GAB1: variants seen among roughly 807,000 people sequenced by gnomAD.
GAB1 encodes GRB2 associated binding protein 1.
A neutral mutation model predicts 66.5 loss-of-function variants in GAB1; 19 were observed. The observed-to-expected ratio is 0.29, with a 90% CI of 0.20 to 0.42. The LOEUF (loss-of-function observed/expected upper bound fraction) is 0.42. Ranked by LOEUF, GAB1 falls within the 10% of genes least tolerant of loss-of-function variation. GAB1 has a pLI of 1.00. For missense variants in GAB1, 732 were observed against 858.5 expected, an observed-to-expected ratio of 0.85 and a Z score of 1.84; for synonymous variants, 294 against 301.4, an observed-to-expected ratio of 0.98 and a Z score of 0.25.
At chr4:143,468,208 CTTTTTT>C (rs780138131) in intron 9 of GAB1, among the ~76,000 whole-genome samples, 2,334 of 70,202 alleles carry the variant, frequency 0.033, 52 homozygotes, top group African/African-American at 0.12. Context: ...AGTTTGAATT[CTTTTTT>C]TTTTTTTTTT....
chr4:143,369,022 C>T (rs1047677248), intron 1 of GAB1, among the ~76,000 whole-genome samples: 14 of 152,068 alleles, frequency 9.2e-5, no homozygotes, highest in African/African-American at 3.4e-4. Context: ...TCATTGCAAC[C>T]TCTACCTTCT....
rs534783471 is a variant in GAB1, at chr4:143,440,139, G to A, written c.1342G>A (p.Val448Ile). The change falls in exon 6 of 10, where the codon GTC becomes ATC. Residue 448 changes from valine to isoleucine, a missense_variant. By Grantham distance (29) the Val-to-Ile change is conservative. Coordinates refer to ENST00000262994, the MANE Select transcript of GAB1 (RefSeq NM_002039.4). ...AAGTGAAGAACTGGATGAAAATTAC[G>A]TCCCAATGAATCCCAATTCACCACC... ...VSSEELDENY[V>I]PMNPNSPPRQ... is the part of the protein sequence containing the mutation. 3.6e-5 allele frequency: 58 copies of A among 1,614,090 alleles called. No homozygotes were observed. In the South Asian group the frequency reaches 4.3e-4, roughly 12 times the overall value.
At position 143,431,172 on chromosome 4, in the gene GAB1, G is replaced by A. The variant is rs950624110; in HGVS notation, c.368-2319G>A. On this transcript the variant is annotated intron_variant, in intron 2 of 9. Transcript: ENST00000262994. The stretch of plus-strand genomic sequence containing the variant: ...CAAGATTTTTCATTTGCCAACCTCC[G>A]GGTTGAGCCCATAAAGAGACAGGAT... 5.3e-5 allele frequency among the ~76,000 whole-genome samples: 8 copies of A among 152,192 alleles called. No individual in the cohort carries two copies. In the South Asian group the frequency reaches 8.3e-4, roughly 16 times the overall value.
Position 143,413,824 on chromosome 4 carries a change from C to CCTTTTTTTTTTTTTTT in GAB1, c.73-1653_73-1652insCTTTTTTTTTTTTTTT, listed in dbSNP as rs61697817. Among the ~76,000 whole-genome samples the CCTTTTTTTTTTTTTTT allele has an allele frequency of 1.5e-4, 10 of 67,828 alleles. 1 individual carries two copies. Among genetic ancestry groups the CCTTTTTTTTTTTTTTT allele is most frequent in the African/African-American group, 8.5e-4 (9 of 10,620 alleles). 44.5% of individuals were successfully genotyped at this position (67,828 alleles called of 152,430 possible). ...AGAGCATCCCCACCACCCCGCTGCC[C>CCTTTTTTTTTTTTTTT]TTTTTTTTTTTTTTTTTTTTTTTTG... is the stretch of plus-strand genomic sequence containing the variant. On this transcript the variant is annotated intron_variant, in intron 1 of 9. Transcript: ENST00000262994.
At chr4:143,409,486 T>C in intron 1 of GAB1, among the ~76,000 whole-genome samples, 1 of 150,080 alleles carries the variant, frequency 6.7e-6, no homozygotes, top group Non-Finnish European at 1.5e-5. Flanking sequence ...GCACTTACAA[T>C]GCATGAAGTG....
Position 143,440,212 on chromosome 4 carries a change from A to G in GAB1, c.1415A>G (p.Tyr472Cys), listed in dbSNP as rs182127964. The change falls in exon 6 of 10, where the codon TAT (tyrosine) becomes TGT (cysteine). Residue 472 changes from tyrosine to cysteine, a missense_variant. By Grantham distance (194) the Tyr-to-Cys change is radical. Transcript: ENST00000262994. ...SFTEPIQEANYVPMTPGTFDF... is the reference protein window; with the variant it reads ...SFTEPIQEANCVPMTPGTFDF... ...ACAGAACCAATTCAGGAAGCAAATT[A>G]TGTGCCAATGACTCCAGGAACATTT... 21 of 1,614,208 alleles carry G rather than the reference A, an allele frequency of 1.3e-5. No individual in the cohort carries two copies. The Admixed American group carries it at 1.5e-4, about 12-fold the overall frequency.
intron 2 of GAB1, among the ~76,000 whole-genome samples, chr4:143,427,934 T>C (rs1733451912): frequency 6.6e-6 from 1 of 152,158 alleles, no homozygotes; most frequent in African/African-American, 2.4e-5. Flanking sequence ...CTTCCATCAT[T>C]ATATCCCCAA....
chr4:143,390,078 T>G (rs906457351), intron 1 of GAB1, among the ~76,000 whole-genome samples: 1 of 152,218 alleles, frequency 6.6e-6, no homozygotes, highest in African/African-American at 2.4e-5. Context: ...AAGTTCATTT[T>G]GAATTAATAA....
chr4:143,344,230 G>A (rs1450708753), intron 1 of GAB1, among the ~76,000 whole-genome samples: 2 of 152,174 alleles, frequency 1.3e-5, no homozygotes, highest in African/African-American at 2.4e-5. Flanking sequence ...GACTTTGGAA[G>A]CCATCTTAGC....
chr4:143,342,543 C>CTTTTTTTTTTTTTTTTT (rs5862632), intron 1 of GAB1, among the ~76,000 whole-genome samples: 1 of 62,482 alleles, frequency 1.6e-5, no homozygotes, highest in Non-Finnish European at 2.9e-5. Flanking sequence ...GTGATAGATT[C>CTTTTTTTTTTTTTTTTT]TTTTTTTTTT....
intron 1 of GAB1, among the ~76,000 whole-genome samples, chr4:143,364,868 CTTTTTTTTTTTTTTTT>C (rs745401852): frequency 1.0e-4 from 9 of 86,806 alleles, no homozygotes; most frequent in Admixed American, 4.9e-4. Flanking sequence ...CCTGCATCTA[CTTTTTTTTTTTTTTTT>C]TTTTTTTTTT....
At chr4:143,441,549 T>TTTCAACAGGAGGTTAACCTCC (rs1192309222) in intron 6 of GAB1, among the ~76,000 whole-genome samples, 4 of 152,060 alleles carry the variant, frequency 2.6e-5, no homozygotes, top group Non-Finnish European at 5.9e-5. Context: ...AACCTCCTCG[T>TTTCAACAGGAGGTTAACCTCC]TTCAACAGGA....
intron 1 of GAB1, among the ~76,000 whole-genome samples, chr4:143,360,505 G>C (rs1054914968): frequency 6.6e-6 from 1 of 152,062 alleles, no homozygotes; most frequent in African/African-American, 2.4e-5. Flanking sequence ...AATAAAATTA[G>C]GTTTGGGGTA....
At chr4:143,432,509 G>A (rs1733710259) in intron 2 of GAB1, among the ~76,000 whole-genome samples, 1 of 152,126 alleles carries the variant, frequency 6.6e-6, no homozygotes, top group African/African-American at 2.4e-5. Flanking sequence ...AAAGCGAGAT[G>A]GGGTCTTTCT....
chr4:143,350,092 C>G lies in GAB1; in HGVS notation c.72+12832C>G, dbSNP rs549055045. 4.4e-6 allele frequency: 6 copies of G among 1,372,182 alleles called. No individual in the cohort carries two copies. The African/African-American group carries it at 5.7e-5, about 13-fold the overall frequency. 85.0% of individuals were successfully genotyped at this position (1,372,182 alleles called of 1,614,324 possible). A position where few individuals can be genotyped will look rare whatever the true frequency, so the allele number is the denominator to read the frequency against. On this transcript the variant is annotated intron_variant, in intron 1 of 9. Transcript: ENST00000262994. ...AGGGCCACCAGGGCCTCCGGGCCCT[C>G]CCGCTGCACCGGCGTCATCCGCCAT...
intron 1 of GAB1, among the ~76,000 whole-genome samples, chr4:143,354,263 A>G (rs1729352781): frequency 6.6e-6 from 1 of 151,952 alleles, no homozygotes; most frequent in South Asian, 2.1e-4. Context: ...TCTCCTTTTT[A>G]TGAGCCTCTG....
Position 143,469,173 on chromosome 4 carries a change from C to T in GAB1, c.2069C>T (p.Ala690Val), listed in dbSNP as rs751737078. 8.1e-6 allele frequency: 13 copies of T among 1,613,872 alleles called. No individual in the cohort carries two copies. Among genetic ancestry groups the T allele is most frequent in the East Asian group, 6.7e-5 (3 of 44,844 alleles). ...CAGTCCACAGAATCAGAAACGCCAGCGAAGAGTGTGAAATGAAAATATTGC... is the reference window on the plus strand; with the variant it reads ...CAGTCCACAGAATCAGAAACGCCAGTGAAGAGTGTGAAATGAAAATATTGC... Reference protein sequence around the residue: ...GRQSTESETPAKSVK With the variant: ...GRQSTESETPVKSVK The change falls in exon 10 of 10, where the codon GCG (alanine) becomes GTG (valine). Residue 690 changes from alanine (A) to valine (V), a missense_variant. Physicochemically the swap from Ala to Val is moderately conservative, Grantham distance 64 (BLOSUM62 0). Transcript: ENST00000262994.
intron 6 of GAB1, among the ~76,000 whole-genome samples, chr4:143,454,698 G>C (rs968887871): frequency 1.3e-5 from 2 of 152,172 alleles, no homozygotes; most frequent in African/African-American, 4.8e-5. Context: ...TGCTCTGTGC[G>C]GTGAGTGCTT....
rs35422180 is a variant in GAB1 at position 143,413,824 on chromosome 4, C to CTTTTTTTTTTTTTTT, written c.73-1643_73-1629dup. 3.8e-3 allele frequency among the ~76,000 whole-genome samples: 257 copies of CTTTTTTTTTTTTTTT among 67,816 alleles called. 11 individuals carry two copies. The highest frequency in any genetic ancestry group is 4.7e-3 in the Non-Finnish European group (192 of 40,720). 44.5% of individuals were successfully genotyped at this position (67,816 alleles called of 152,430 possible). ...AGAGCATCCCCACCACCCCGCTGCC[C>CTTTTTTTTTTTTTTT]TTTTTTTTTTTTTTTTTTTTTTTTG... On this transcript the variant is annotated intron_variant, in intron 1 of 9. Coordinates refer to ENST00000262994, the MANE Select transcript of GAB1 (RefSeq NM_002039.4).
Sources: gnomAD v4.1 joint callset for allele counts (sites outside exome capture counted in the v4.1 genomes callset) on GRCh38, gnomAD v4.1.1 for gene constraint, MANE v1.5 for transcripts, NCBI Gene and HGNC (gene_info 2026-07-23, HGNC 2026-07-21) for gene names.